The following DUSP4 variants were observed in gnomAD, a reference collection of about 807,000 sequenced individuals.
DUSP4 encodes dual specificity phosphatase 4, also known as dual specificity protein phosphatase 4.
In DUSP4, 12 loss-of-function variants were observed where a neutral mutation model predicts 27.2. That is an observed-to-expected ratio of 0.44 (90% confidence interval 0.28 to 0.71). The LOEUF is 0.71. Among genes scored for constraint, DUSP4 ranks in the 30% least tolerant of loss-of-function variants. DUSP4 has a pLI of 0.14. For synonymous variants in DUSP4, 257 were observed against 245.2 expected (o/e 1.05, Z -0.45); for missense variants, 448 against 551.3 (o/e 0.81, Z 1.88).
chr8:29,338,627 C>G, intron 2 of DUSP4, 126 bp from the exon 3 acceptor site: 1 of 1,054,820 alleles, frequency 9.5e-7, no homozygotes, highest in South Asian at 1.6e-5. Context: ...CTGGGCCTGG[C>G]CCTCCCAGCC....
intron 1 of DUSP4, chr8:29,348,753 G>A: frequency 1.0e-6 from 1 of 985,244 alleles, no homozygotes; most frequent in Non-Finnish European, 1.2e-6. Context: ...CGGCGAAGGC[G>A]CCTGCGGGGG....
At chr8:29,345,771 A>G in intron 1 of DUSP4, 1 of 1,286,054 alleles carries the variant, frequency 7.8e-7, no homozygotes, top group South Asian at 2.4e-5. Context: ...CTCAATTTAC[A>G]CCTACATCTG....
At chr8:29,346,700 A>C (rs1430865837) in intron 1 of DUSP4, among the ~76,000 whole-genome samples, 1 of 152,226 alleles carries the variant, frequency 6.6e-6, no homozygotes, top group Non-Finnish European at 1.5e-5. Flanking sequence ...CTTTTAGCAA[A>C]AGTCGGGTAA....
At chr8:29,348,817 G>T in intron 1 of DUSP4, 8 of 984,806 alleles carry the variant, frequency 8.1e-6, no homozygotes, top group Non-Finnish European at 9.6e-6. Flanking sequence ...TACCGGGCTC[G>T]GAAGCGCAGA....
chr8:29,345,763 C>G (rs1302702346), intron 1 of DUSP4: 4 of 1,300,068 alleles, frequency 3.1e-6, no homozygotes, highest in Non-Finnish European at 3.9e-6. Context: ...ATTTCACTCT[C>G]AATTTACACC....
chr8:29,348,766 AG>A, intron 1 of DUSP4: 1 of 984,986 alleles, frequency 1.0e-6, no homozygotes, highest in African/African-American at 1.7e-5. Context: ...TGCGGGGGGG[AG>A]GAGCGGCTCT....
chr8:29,342,304 G>A (rs915575483), intron 1 of DUSP4, among the ~76,000 whole-genome samples: 12 of 152,320 alleles, frequency 7.9e-5, no homozygotes, highest in African/African-American at 1.7e-4. Context: ...TGTGCAGCCC[G>A]GGCCTCCTGA....
At chr8:29,348,764 G>T (rs1467194718) in intron 1 of DUSP4, 12 of 985,406 alleles carry the variant, frequency 1.2e-5, no homozygotes, top group Non-Finnish European at 1.4e-5. Flanking sequence ...CCTGCGGGGG[G>T]GAGGAGCGGC....
intron 1 of DUSP4, among the ~76,000 whole-genome samples, chr8:29,342,357 C>T (rs904891556): frequency 1.3e-5 from 2 of 152,166 alleles, no homozygotes; most frequent in African/African-American, 4.8e-5. Context: ...ATGAAAGTCC[C>T]CTGCACAAAG....
chr8:29,337,098 G>T lies in DUSP4; in HGVS notation c.1113C>A (p.Ser371=). ...TGCTGGGGGCCGAGTGCACGCCCAC[G>T]GAGACCGGAAAGCTGAAGACGAACT... The part of the protein sequence containing the change: ...TSQFVFSFPV[S]VGVHSAPSSL... Residue 371 remains serine, a synonymous_variant, in exon 4 of 4, where the codon TCC becomes TCA. Coordinates refer to ENST00000240100, the MANE Select transcript of DUSP4 (RefSeq NM_001394.7). This position sits in a 1 kb window ranked among gnomAD's most constrained non-coding sequence, Gnocchi z 6.4. The T allele has an allele frequency of 6.2e-7, 1 of 1,609,868 alleles. No homozygotes were observed. Among genetic ancestry groups the T allele is most frequent in the Non-Finnish European group, 8.5e-7 (1 of 1,178,224 alleles).
At chr8:29,349,801 C>G in intron 1 of DUSP4, 45 bp downstream of exon 1, 2 of 1,454,010 alleles carry the variant, frequency 1.4e-6, no homozygotes, top group Non-Finnish European at 1.8e-6. Flanking sequence ...GCCAAGACCC[C>G]CTCCATCTCC....
At chr8:29,345,638 C>T (rs1402564255) in intron 1 of DUSP4, 2 of 1,486,558 alleles carry the variant, frequency 1.3e-6, no homozygotes, top group South Asian at 2.9e-5. Flanking sequence ...GGGAAAGTGG[C>T]CACCCTTTCT....
In DUSP4 at chr8:29,340,192, T is replaced by G; in HGVS notation, c.485A>C (p.Lys162Thr). The change falls in exon 2 of 4, where the codon AAG (lysine) becomes ACG (threonine). Residue 162 changes from lysine (K) to threonine (T), a missense_variant. Physicochemically the swap from Lys to Thr is moderately conservative, Grantham distance 78 (BLOSUM62 -1). Coordinates refer to ENST00000240100, the MANE Select transcript of DUSP4 (RefSeq NM_001394.7). ...SEYPEFCSKT[K>T]ALAAIPPPVP... ...CGGGGGTGGGATGGCTGCCAGGGCC[T>G]TGGTTTTAGAACAGAATTCTGGGTA... 6.2e-7 allele frequency: 1 copy of G among 1,613,548 alleles called. No homozygotes were observed. Among genetic ancestry groups the G allele is most frequent in the Non-Finnish European group, 8.5e-7 (1 of 1,179,844 alleles).
At chr8:29,340,012 C>T (rs12540995) in intron 2 of DUSP4, 86 bp downstream of exon 2, 384,366 of 1,471,432 alleles carry the variant, frequency 0.26, 54,376 homozygotes, top group East Asian at 0.57. Context: ...AGACAAAAAA[C>T]ACCGTCAGAA....
At position 29,334,919 on chromosome 8, in the gene DUSP4, GATGA is replaced by G; in HGVS notation, c.*2103_*2106del. 1 of 152,342 alleles carries G rather than the reference GATGA, an allele frequency of 6.6e-6. No homozygotes were observed. Among genetic ancestry groups the G allele is most frequent in the South Asian group, 2.1e-4 (1 of 4,834 alleles). The allele number at this position is 152,342 out of a possible 1,614,324, so 9.4% of individuals were successfully genotyped here. ...CACAGGCGGAGCTTGGTGAAGTCAG[GATGA>G]ATGATGCCGTCACAGGTTCATGGTT... On this transcript the variant is annotated 3_prime_UTR_variant, in exon 4 of 4. Transcript: ENST00000240100.
At chr8:29,339,301 C>T (rs1817621977) in intron 2 of DUSP4, among the ~76,000 whole-genome samples, 1 of 152,190 alleles carries the variant, frequency 6.6e-6, no homozygotes, top group South Asian at 2.1e-4. Context: ...GCAGCAGAGT[C>T]CATCTAACTG....
chr8:29,336,811 G>A lies in DUSP4; in HGVS notation c.*215C>T, dbSNP rs1019067789. 1.7e-5 allele frequency: 10 copies of A among 591,560 alleles called. No individual in the cohort carries two copies. The highest frequency in any genetic ancestry group is 1.3e-4 in the East Asian group (4 of 30,248). 36.6% of individuals were successfully genotyped at this position (591,560 alleles called of 1,614,324 possible). On this transcript the variant is annotated 3_prime_UTR_variant, in exon 4 of 4. Coordinates refer to ENST00000240100, the MANE Select transcript of DUSP4 (RefSeq NM_001394.7). ...GTCTTCCCTGGCTGCTGCGGCAGCCGTTATTGCTCTAAGTTGGAGTGTTCT... is the reference window on the plus strand; with the variant it reads ...GTCTTCCCTGGCTGCTGCGGCAGCCATTATTGCTCTAAGTTGGAGTGTTCT...
In DUSP4 at chr8:29,337,551, C is replaced by A. The variant is rs1817597706; in HGVS notation, c.800-140G>T. ...ACCAAGGACTGGAGAGGAAGAAAAC[C>A]CATGTAGGCAGGTCTCTAGAATGCC... is the stretch of plus-strand genomic sequence containing the variant. On this transcript the variant is annotated intron_variant, in intron 3 of 3. Coordinates refer to ENST00000240100, the MANE Select transcript of DUSP4 (RefSeq NM_001394.7). The surrounding 1 kb of genome is among the most constrained non-coding windows in gnomAD (Gnocchi z 6.4). The A allele has an allele frequency of 4.1e-6, 5 of 1,214,856 alleles. No homozygotes were observed. The Admixed American group carries it at 8.3e-5, about 20-fold the overall frequency. 75.3% of individuals were successfully genotyped at this position (1,214,856 alleles called of 1,614,324 possible). A position where few individuals can be genotyped will look rare whatever the true frequency, so the allele number is the denominator to read the frequency against.
Position 29,350,292 on chromosome 8 carries a change from CGA to C in DUSP4, c.-16_-15del, listed in dbSNP as rs1327965511. The stretch of plus-strand genomic sequence containing the variant: ...CATCGTCACCATGGTCGCCGGGAAC[CGA>C]GGCGGCTGGGCGCGCGAGGAAGAGA... On this transcript the variant is annotated 5_prime_UTR_variant, in exon 1 of 4. Transcript: ENST00000240100. The C allele has an allele frequency of 6.4e-7, 1 of 1,558,482 alleles. No individual in the cohort carries two copies. The highest frequency in any genetic ancestry group is 1.4e-5 in the African/African-American group (1 of 73,166).
Sources: gnomAD v4.1 joint callset for allele counts (sites outside exome capture counted in the v4.1 genomes callset) on GRCh38, gnomAD v4.1.1 for gene constraint, Gnocchi (gnomAD v3.1) non-coding constraint, MANE v1.5 for transcripts, NCBI Gene and HGNC (gene_info 2026-07-23, HGNC 2026-07-21) for gene names.